The following OR51I2 variants were observed in gnomAD, a reference collection of about 807,000 sequenced individuals.
The protein encoded by OR51I2 is olfactory receptor 51I2.
A neutral mutation model predicts 9.3 loss-of-function variants in OR51I2; 6 were observed. The observed-to-expected ratio is 0.64, with a 90% CI of 0.35 to 1.27. The LOEUF (loss-of-function observed/expected upper bound fraction) is 1.27, where lower values mean the gene tolerates loss of function less well. Ranked by LOEUF, OR51I2 falls within the 50% of genes most tolerant of loss-of-function variation. OR51I2 has a pLI of 0.03. For missense variants in OR51I2, 489 were observed against 396.4 expected (o/e 1.23, Z -1.98); for synonymous variants, 179 against 143.1 (o/e 1.25, Z -1.79).
chr11:5,452,504 C>CAAAAAAAA lies in OR51I2; in HGVS notation c.-230-722_-230-715dup, dbSNP rs56677841. Among the ~76,000 whole-genome samples, 62 of 69,204 alleles carry CAAAAAAAA rather than the reference C, an allele frequency of 9.0e-4. 2 individuals carry two copies. Among genetic ancestry groups the CAAAAAAAA allele is most frequent in the Non-Finnish European group, 1.3e-3 (51 of 38,392 alleles). 45.4% of individuals were successfully genotyped at this position (69,204 alleles called of 152,430 possible). On this transcript the variant is annotated intron_variant, in intron 1 of 1. Transcript: ENST00000641930. Reference sequence around the variant, plus strand: ...TGGGCAAAAGAGAGAGACTCTGTCTCAAAAAAAAAAAAAAAAAAAAAAAAA... The same window carrying CAAAAAAAA: ...TGGGCAAAAGAGAGAGACTCTGTCTCAAAAAAAAAAAAAAAAAAAAAAAAAAAAAAAAA...
chr11:5,449,571 T>C (rs922931353), intron 1 of OR51I2, among the ~76,000 whole-genome samples: 6 of 152,352 alleles, frequency 3.9e-5, no homozygotes, highest in African/African-American at 1.4e-4. Flanking sequence ...CATGTACTGA[T>C]TGTATAACCC....
Position 5,453,958 on chromosome 11 carries a change from TCC to T in OR51I2, c.472_473del (p.Pro158SerfsTer6). On this transcript the variant is annotated frameshift_variant, in exon 2 of 2. Transcript: ENST00000641930. LOFTEE classifies it high-confidence loss of function. ...GCTGCTCGAAGCTTCATCACCCTTT[TCC>T]CTCTTCCCTTTCTTATTAAGAGGCT... The T allele has an allele frequency of 6.2e-7, 1 of 1,614,110 alleles. No homozygotes were observed. Among genetic ancestry groups the T allele is most frequent in the Middle Eastern group, 1.6e-4 (1 of 6,062 alleles).
At position 5,456,040 on chromosome 11, in the gene OR51I2, T is replaced by C. The variant is rs1449768760; in HGVS notation, c.*1613T>C. 1 of 152,216 alleles carries C rather than the reference T, an allele frequency of 6.6e-6. No individual in the cohort carries two copies. Among genetic ancestry groups the C allele is most frequent in the African/African-American group, 2.4e-5 (1 of 41,460 alleles). The allele number at this position is 152,216 out of a possible 1,614,324, so 9.4% of individuals were successfully genotyped here. ...CTCCTATTTCAACATGAAATAATAA[T>C]TTTAATGCTTTGATATTTTAGTTTC... On this transcript the variant is annotated 3_prime_UTR_variant, in exon 2 of 2. Transcript: ENST00000641930.
chr11:5,454,256 T>A lies in OR51I2; in HGVS notation c.768T>A (p.Ile256=). Residue 256 remains isoleucine (I), a synonymous_variant, in exon 2 of 2, where the codon ATT becomes ATA. Transcript: ENST00000641930. The part of the protein sequence containing the change: ...LAVLAFYVPM[I]GVSTVHRFGK... ...TACTTGCATTTTATGTGCCAATGATTGGGGTCTCCACAGTGCACCGCTTTG... is the reference window on the plus strand; with the variant it reads ...TACTTGCATTTTATGTGCCAATGATAGGGGTCTCCACAGTGCACCGCTTTG... 1 of 1,614,228 alleles carries A rather than the reference T, an allele frequency of 6.2e-7. No individual in the cohort carries two copies. Among genetic ancestry groups the A allele is most frequent in the Non-Finnish European group, 8.5e-7 (1 of 1,180,028 alleles).
chr11:5,450,518 G>A (rs1000407414), intron 1 of OR51I2, among the ~76,000 whole-genome samples: 1 of 152,096 alleles, frequency 6.6e-6, no homozygotes. Context: ...ACACCCTCGG[G>A]GTCCTTTCTT....
intron 1 of OR51I2, among the ~76,000 whole-genome samples, chr11:5,451,140 C>T (rs1175330904): frequency 2.0e-5 from 3 of 152,138 alleles, no homozygotes; most frequent in Admixed American, 6.5e-5. Context: ...TTTTCTTTCT[C>T]AGTATTACTT....
At chr11:5,453,178 G>T in intron 1 of OR51I2, 81 bp from the exon 2 acceptor site, 1 of 212,024 alleles carries the variant, frequency 4.7e-6, no homozygotes, top group Non-Finnish European at 9.2e-6. Flanking sequence ...GCAAGTTGTA[G>T]AAATGTAGTT....
chr11:5,454,422 A>G lies in OR51I2; in HGVS notation c.934A>G (p.Ile312Val), dbSNP rs1454035791. ...TTTCCGCATGTTTCACCACATCAAA[A>G]TATGACTTTCACACTTGGCTTTAGA... ...AIFRMFHHIK[I>V] Residue 312 changes from isoleucine to valine, a missense_variant, in exon 2 of 2, where the codon ATA becomes GTA. Ile to Val is a conservative substitution (Grantham distance 29). Coordinates refer to ENST00000641930, the MANE Select transcript of OR51I2 (RefSeq NM_001004754.3). The G allele has an allele frequency of 6.2e-7, 1 of 1,603,054 alleles. No homozygotes were observed. Among genetic ancestry groups the G allele is most frequent in the Non-Finnish European group, 8.5e-7 (1 of 1,177,888 alleles).
chr11:5,450,072 A>G (rs1448106116), intron 1 of OR51I2, among the ~76,000 whole-genome samples: 1 of 152,148 alleles, frequency 6.6e-6, no homozygotes, highest in Admixed American at 6.6e-5. Flanking sequence ...AAAGCCATAA[A>G]GGATCTCAGA....
intron 1 of OR51I2, among the ~76,000 whole-genome samples, chr11:5,452,772 G>A (rs903360144): frequency 6.6e-6 from 1 of 152,170 alleles, no homozygotes; most frequent in Admixed American, 6.5e-5. Flanking sequence ...CTCCCACACC[G>A]AATGCTAGTG....
chr11:5,454,407 T>C lies in OR51I2; in HGVS notation c.919T>C (p.Phe307Leu), dbSNP rs773207080. Residue 307 changes from phenylalanine to leucine, a missense_variant, in exon 2 of 2, where the codon TTT becomes CTT. Physicochemically the swap from Phe to Leu is conservative, Grantham distance 22 (BLOSUM62 0). Transcript: ENST00000641930. ...AATCCGCCGAGCCATTTTCCGCATG[T>C]TTCACCACATCAAAATATGACTTTC... ...KEIRRAIFRM[F>L]HHIKI The C allele has an allele frequency of 6.2e-7, 1 of 1,605,468 alleles. No homozygotes were observed. The highest frequency in any genetic ancestry group is 2.2e-5 in the East Asian group (1 of 44,866).
In OR51I2 at chr11:5,453,856, A is replaced by G. The variant is rs763738054; in HGVS notation, c.368A>G (p.Tyr123Cys). Residue 123 changes from tyrosine to cysteine, a missense_variant, in exon 2 of 2, where the codon TAT becomes TGT. Coordinates refer to ENST00000641930, the MANE Select transcript of OR51I2 (RefSeq NM_001004754.3). ...GILLAMSFDR[Y>C]VAICDPLRYA... ...CTGCTGGCCATGAGTTTTGACCGCT[A>G]TGTGGCCATTTGTGACCCCTTGCGC... 1.2e-6 allele frequency: 2 copies of G among 1,614,164 alleles called. No homozygotes were observed. The highest frequency in any genetic ancestry group is 1.1e-5 in the South Asian group (1 of 91,084).
At chr11:5,450,613 C>G (rs1330350847) in intron 1 of OR51I2, among the ~76,000 whole-genome samples, 1 of 152,170 alleles carries the variant, frequency 6.6e-6, no homozygotes, top group Non-Finnish European at 1.5e-5. Context: ...GCCTTGGAGA[C>G]AGGTACTTTT....
chr11:5,452,498 C>A (rs1850869508), intron 1 of OR51I2, among the ~76,000 whole-genome samples: 1 of 81,172 alleles, frequency 1.2e-5, no homozygotes, highest in African/African-American at 5.1e-5. Flanking sequence ...GAGAGAGACT[C>A]TGTCTCAAAA....
At chr11:5,450,439 T>TA (rs1229682478) in intron 1 of OR51I2, among the ~76,000 whole-genome samples, 1 of 152,078 alleles carries the variant, frequency 6.6e-6, no homozygotes, top group African/African-American at 2.4e-5. Context: ...GACATAGGTC[T>TA]AAAAAAAGAA....
chr11:5,452,536 A>G, intron 1 of OR51I2, among the ~76,000 whole-genome samples: 1 of 106,452 alleles, frequency 9.4e-6, no homozygotes, highest in African/African-American at 3.6e-5. Flanking sequence ...AAAAAAAAAA[A>G]AAAAAAAATC....
Position 5,454,323 on chromosome 11 carries a change from G to A in OR51I2, c.835G>A (p.Val279Met), listed in dbSNP as rs373990140. Residue 279 changes from valine (V) to methionine (M), a missense_variant, in exon 2 of 2, where the codon GTG becomes ATG. Physicochemically the swap from Val to Met is conservative, Grantham distance 21 (BLOSUM62 1). Transcript: ENST00000641930. The part of the protein sequence containing the change: ...PCYIHVLMSN[V>M]YLFVPPVLNP... ...CTACATACATGTCCTCATGTCAAAT[G>A]TGTACCTATTTGTGCCTCCTGTGCT... 46 of 1,614,138 alleles carry A rather than the reference G, an allele frequency of 2.8e-5. No homozygotes were observed. The highest frequency in any genetic ancestry group is 3.7e-5 in the Non-Finnish European group (44 of 1,180,010).
chr11:5,453,216 A>C (rs1475284319), intron 1 of OR51I2, 43 bp from the exon 2 acceptor site: 2 of 286,416 alleles, frequency 7.0e-6, no homozygotes, highest in African/African-American at 4.3e-5. Flanking sequence ...ACTAATTTCT[A>C]TTATTGAAGT....
rs572697636 is a variant in OR51I2 at position 5,453,757 on chromosome 11, G to A, written c.269G>A (p.Arg90His). Residue 90 changes from arginine (R) to histidine (H), a missense_variant, in exon 2 of 2, where the codon CGC becomes CAC. Coordinates refer to ENST00000641930, the MANE Select transcript of OR51I2 (RefSeq NM_001004754.3). ...TVLRTFCLNA[R>H]NITFDACLIQ... ...CTCCGAACCTTCTGCCTCAATGCCCGCAACATCACTTTTGATGCCTGTCTA... is the reference window on the plus strand; with the variant it reads ...CTCCGAACCTTCTGCCTCAATGCCCACAACATCACTTTTGATGCCTGTCTA... 2.0e-5 allele frequency: 32 copies of A among 1,614,084 alleles called. No homozygotes were observed. Among genetic ancestry groups the A allele is most frequent in the Admixed American group, 1.3e-4 (8 of 60,006 alleles).
Sources: gnomAD v4.1 joint callset for allele counts (sites outside exome capture counted in the v4.1 genomes callset) on GRCh38, gnomAD v4.1.1 for gene constraint, MANE v1.5 for transcripts, NCBI Gene and HGNC (gene_info 2026-07-23, HGNC 2026-07-21) for gene names.